FTCDNL1: variants seen among roughly 807,000 people sequenced by gnomAD.
FTCDNL1 encodes formiminotransferase N-terminal subdomain-containing protein.
A neutral mutation model predicts 5.9 loss-of-function variants in FTCDNL1; 11 were observed. The observed-to-expected ratio is 1.87, with a 90% CI of 1.18 to 3.10. The LOEUF is 3.10. FTCDNL1 is among the 30% of genes most tolerant of loss of function. FTCDNL1 has a pLI of 0.00. For synonymous variants in FTCDNL1, 58 were observed against 24.8 expected, an observed-to-expected ratio of 2.34 and a Z score of -3.99; for missense variants, 115 against 65.5, an observed-to-expected ratio of 1.76 and a Z score of -2.61.
At chr2:199,827,037 C>T (rs1702079711) in intron 3 of FTCDNL1, among the ~76,000 whole-genome samples, 1 of 152,198 alleles carries the variant, frequency 6.6e-6, no homozygotes, top group East Asian at 1.9e-4. Flanking sequence ...AACTTCACAA[C>T]ATCAAAGGCA....
chr2:199,716,988 G>C, the FTCDNL1 span, among the ~76,000 whole-genome samples: 3 of 152,176 alleles, frequency 2.0e-5, no homozygotes, highest in East Asian at 1.9e-4. Context: ...TTCGTTTCTC[G>C]GAGTGTTAGG....
At chr2:199,799,071 T>G (rs1700314432) in intron 3 of FTCDNL1, among the ~76,000 whole-genome samples, 1 of 152,140 alleles carries the variant, frequency 6.6e-6, no homozygotes, top group Admixed American at 6.5e-5. Flanking sequence ...TAGGCCGCCT[T>G]TCAGCCCAGG....
chr2:199,697,129 G>A, the FTCDNL1 span, among the ~76,000 whole-genome samples: 6 of 152,010 alleles, frequency 3.9e-5, no homozygotes, highest in East Asian at 3.9e-4. Flanking sequence ...AAAATTAGCC[G>A]GGCATGGTGG....
At chr2:199,712,092 C>T in the FTCDNL1 span, among the ~76,000 whole-genome samples, 6 of 152,162 alleles carry the variant, frequency 3.9e-5, no homozygotes, top group African/African-American at 1.4e-4. Flanking sequence ...ACTCTGAATG[C>T]ACGTATTGGT....
the FTCDNL1 span, among the ~76,000 whole-genome samples, chr2:199,743,502 C>A: frequency 1.6e-4 from 24 of 152,262 alleles, no homozygotes; most frequent in African/African-American, 5.3e-4. Context: ...ATTCATTGAA[C>A]GTTTCTGCAC....
intron 3 of FTCDNL1, among the ~76,000 whole-genome samples, chr2:199,833,576 T>C (rs145702991): frequency 1.3e-5 from 2 of 152,330 alleles, no homozygotes; most frequent in African/African-American, 4.8e-5. Flanking sequence ...ATATCAGCAA[T>C]GTATAAATAG....
the FTCDNL1 span, among the ~76,000 whole-genome samples, chr2:199,730,728 CT>C: frequency 6.6e-6 from 1 of 152,198 alleles, no homozygotes; most frequent in Non-Finnish European, 1.5e-5. Flanking sequence ...AATAGGAACA[CT>C]TTTACACTGT....
chr2:199,768,423 C>CATTTACTACTCA (rs1698639762), intron 3 of FTCDNL1, among the ~76,000 whole-genome samples: 1 of 152,158 alleles, frequency 6.6e-6, no homozygotes, highest in Admixed American at 6.5e-5. Context: ...ACATTTACTA[C>CATTTACTACTCA]TTTCCAGACA....
the FTCDNL1 span, among the ~76,000 whole-genome samples, chr2:199,695,223 A>T: frequency 2.6e-5 from 4 of 152,260 alleles, no homozygotes; most frequent in Non-Finnish European, 5.9e-5. Flanking sequence ...TAATTCTAAT[A>T]GAGGGAAGGC....
the FTCDNL1 span, among the ~76,000 whole-genome samples, chr2:199,696,646 A>T: frequency 3.1e-4 from 47 of 152,300 alleles, no homozygotes; most frequent in African/African-American, 1.0e-3. Context: ...AAAAAAAAAA[A>T]ATCCATCCAA....
the FTCDNL1 span, among the ~76,000 whole-genome samples, chr2:199,724,850 G>A: frequency 6.6e-6 from 1 of 152,090 alleles, no homozygotes; most frequent in Admixed American, 6.5e-5. Flanking sequence ...CGAGAAGAAT[G>A]TATATTCTGT....
chr2:199,790,671 A>G, intron 3 of FTCDNL1, among the ~76,000 whole-genome samples: 1 of 152,134 alleles, frequency 6.6e-6, no homozygotes, highest in Non-Finnish European at 1.5e-5. Context: ...TGACAAACAT[A>G]TTCCTTAAAC....
intron 3 of FTCDNL1, among the ~76,000 whole-genome samples, chr2:199,826,352 TAATAGC>T (rs1702029607): frequency 1.3e-5 from 2 of 152,210 alleles, no homozygotes; most frequent in South Asian, 4.1e-4. Flanking sequence ...TTCTGCTCCT[TAATAGC>T]TATTTGGGAG....
the FTCDNL1 span, among the ~76,000 whole-genome samples, chr2:199,685,542 C>T: frequency 6.6e-6 from 1 of 152,116 alleles, no homozygotes; most frequent in African/African-American, 2.4e-5. Flanking sequence ...TACTGTGTGA[C>T]TGATCACGGT....
the FTCDNL1 span, among the ~76,000 whole-genome samples, chr2:199,714,918 G>A: frequency 6.8e-5 from 10 of 147,882 alleles, no homozygotes; most frequent in Non-Finnish European, 1.2e-4. Context: ...ACAGGAAGGG[G>A]AACATCACAC....
the FTCDNL1 span, among the ~76,000 whole-genome samples, chr2:199,706,257 A>AC: frequency 6.6e-6 from 1 of 152,098 alleles, no homozygotes; most frequent in African/African-American, 2.4e-5. Context: ...CACCCTCTTT[A>AC]GGTGTTAGAA....
chr2:199,690,745 C>T, the FTCDNL1 span, among the ~76,000 whole-genome samples: 1 of 152,010 alleles, frequency 6.6e-6, no homozygotes, highest in Admixed American at 6.6e-5. Flanking sequence ...GCATCAAACA[C>T]CGAAGCAGGA....
chr2:199,808,654 C>A (rs1017667398), downstream of FTCDNL1, among the ~76,000 whole-genome samples: 1 of 152,200 alleles, frequency 6.6e-6, no homozygotes, highest in African/African-American at 2.4e-5. Context: ...AATGAATCAA[C>A]CCCTACAACC....
intron 3 of FTCDNL1, among the ~76,000 whole-genome samples, chr2:199,803,056 T>C (rs1159128886): frequency 6.6e-6 from 1 of 151,618 alleles, no homozygotes; most frequent in African/African-American, 2.4e-5. Context: ...TAGCCAGCTG[T>C]GGTGGTGTGC....
Sources: gnomAD v4.1 joint callset for allele counts (sites outside exome capture counted in the v4.1 genomes callset) on GRCh38, gnomAD v4.1.1 for gene constraint, MANE v1.5 for transcripts, NCBI Gene and HGNC (gene_info 2026-07-23, HGNC 2026-07-21) for gene names.